Variants in OPN3 observed in about 807,000 individuals in gnomAD.
The protein encoded by OPN3 is opsin-3.
Under a neutral mutation model 33.8 loss-of-function variants are expected in OPN3, and 29 were observed. That is an observed-to-expected ratio of 0.86 (90% CI 0.64 to 1.17). OPN3 has a LOEUF of 1.17. Ranked by LOEUF, OPN3 falls within the 50% of genes most tolerant of loss-of-function variation. The probability of loss-of-function intolerance (pLI) is 0.00; values close to 1 mark genes in which losing one functional copy is unlikely to be tolerated. For synonymous variants in OPN3, 216 were observed against 216.1 expected (o/e 1.00, Z 0.00); for missense variants, 437 against 514.1 (o/e 0.85, Z 1.45).
chr1:241,596,283 C>G (rs1203255536), intron 3 of OPN3, among the ~76,000 whole-genome samples: 1 of 152,156 alleles, frequency 6.6e-6, no homozygotes, highest in Non-Finnish European at 1.5e-5. Flanking sequence ...AACCATCTCA[C>G]TAGAAAAATT....
At chr1:241,595,955 A>T (rs1663496354) in intron 3 of OPN3, among the ~76,000 whole-genome samples, 1 of 152,172 alleles carries the variant, frequency 6.6e-6, no homozygotes, top group Admixed American at 6.5e-5. Context: ...CGTTGTTTTT[A>T]TTTATTTGTT....
At chr1:241,634,838 T>A in intron 1 of OPN3, 1 of 1,612,758 alleles carries the variant, frequency 6.2e-7, no homozygotes, top group Non-Finnish European at 8.5e-7. Flanking sequence ...TTCATCAGGA[T>A]GTTGTTCATA....
intron 1 of OPN3, among the ~76,000 whole-genome samples, chr1:241,623,358 C>T (rs1664319476): frequency 6.6e-6 from 1 of 152,206 alleles, no homozygotes. Flanking sequence ...CAGCTCTTGC[C>T]AAACTGTTTT....
intron 1 of OPN3, chr1:241,616,025 A>G (rs2148010140): frequency 6.6e-6 from 3 of 453,562 alleles, no homozygotes; most frequent in South Asian, 4.7e-5. Flanking sequence ...GATTGCTTGC[A>G]CTCTCCTGTC....
chr1:241,640,133 T>C lies in OPN3; in HGVS notation c.122A>G (p.Tyr41Cys). 2.5e-6 allele frequency: 4 copies of C among 1,589,338 alleles called. No homozygotes were observed. The South Asian group carries it at 3.4e-5, about 13-fold the overall frequency. Reference protein sequence around the residue: ...SPAPLFSPGTYERLALLLGSI... With the variant: ...SPAPLFSPGTCERLALLLGSI... The stretch of plus-strand genomic sequence containing the variant: ...GCCCAGCAGCAGCGCCAGGCGCTCG[T>C]AGGTGCCGGGGCTGAAGAGGGGCGC... Residue 41 changes from tyrosine (Y) to cysteine (C), a missense_variant, in exon 1 of 4, where the codon TAC becomes TGC. By Grantham distance (194) the Tyr-to-Cys change is radical. Transcript: ENST00000366554.
chr1:241,633,967 G>C, intron 1 of OPN3: 1 of 1,613,924 alleles, frequency 6.2e-7, no homozygotes, highest in Non-Finnish European at 8.5e-7. Flanking sequence ...CAGTTGGAAA[G>C]ATCTCCTGGA....
chr1:241,597,963 A>G lies in OPN3; in HGVS notation c.728T>C (p.Val243Ala). The G allele has an allele frequency of 6.2e-7, 1 of 1,613,858 alleles. No individual in the cohort carries two copies. The highest frequency in any genetic ancestry group is 8.5e-7 in the Non-Finnish European group (1 of 1,179,910). ...CTTTTCATATTTTAAAATCTTGATC[A>G]CTTGAATTGTCTGAAGATCTTCCAC... ...RCVEDLQTIQ[V>A]IKILKYEKKL... The change falls in exon 3 of 4, where the codon GTG becomes GCG. Residue 243 changes from valine (V) to alanine (A), a missense_variant. Transcript: ENST00000366554.
At chr1:241,625,237 G>T (rs1429208016) in intron 1 of OPN3, among the ~76,000 whole-genome samples, 1 of 152,172 alleles carries the variant, frequency 6.6e-6, no homozygotes, top group Non-Finnish European at 1.5e-5. Context: ...CTATCTCATT[G>T]CTTGGTGAAC....
intron 1 of OPN3, chr1:241,636,198 G>T: frequency 2.5e-6 from 1 of 396,888 alleles, no homozygotes; most frequent in Non-Finnish European, 4.5e-6. Flanking sequence ...ACTAAAGCAT[G>T]TCTTAAATGC....
intron 1 of OPN3, chr1:241,616,030 C>T: frequency 4.4e-6 from 2 of 451,964 alleles, no homozygotes; most frequent in Admixed American, 4.7e-5. Flanking sequence ...CTTGCACTCT[C>T]CTGTCATGCC....
rs879622824 is a variant in OPN3 at position 241,618,003 on chromosome 1, TA to T, written c.374-13425del. ...CTGAGAATGTCAAGTAATGAAGAACTAAAAAAAATAAATAAATAAAAATAAA... is the reference window on the plus strand; with the variant it reads ...CTGAGAATGTCAAGTAATGAAGAACTAAAAAAATAAATAAATAAAAATAAA... On this transcript the variant is annotated intron_variant, in intron 1 of 3. Transcript: ENST00000366554. 4.7e-4 allele frequency among the ~76,000 whole-genome samples: 67 copies of T among 141,324 alleles called. 1 individual carries two copies. Among genetic ancestry groups the T allele is most frequent in the Admixed American group, 4.9e-4 (7 of 14,296 alleles). The allele number at this position is 141,324 out of a possible 152,430, so 92.7% of individuals were successfully genotyped here. A position where few individuals can be genotyped will look rare whatever the true frequency, so the allele number is the denominator to read the frequency against.
intron 1 of OPN3, among the ~76,000 whole-genome samples, chr1:241,607,662 G>T (rs980063265): frequency 7.0e-6 from 1 of 143,074 alleles, no homozygotes; most frequent in Non-Finnish European, 1.5e-5. Flanking sequence ...AAGAAAGAAA[G>T]AAAGAAAAAG....
chr1:241,598,775 G>T (rs1663604580), intron 2 of OPN3, among the ~76,000 whole-genome samples: 1 of 152,138 alleles, frequency 6.6e-6, no homozygotes, highest in Non-Finnish European at 1.5e-5. Context: ...CACAGGCAAA[G>T]AATATTTCTG....
At chr1:241,627,883 T>G (rs144273786) in intron 1 of OPN3, among the ~76,000 whole-genome samples, 2 of 152,278 alleles carry the variant, frequency 1.3e-5, no homozygotes, top group East Asian at 3.9e-4. Context: ...TTAATCAGAA[T>G]TTCTTGGTAT....
rs768628756 is a variant in OPN3 at position 241,594,402 on chromosome 1, C to T, written c.*26G>A. ...CAAAAGTGGCATCCAATTTAAGGCC[C>T]CATCTTTCGTTGCCATTCTTCATTC... On this transcript the variant is annotated 3_prime_UTR_variant, in exon 4 of 4. Coordinates refer to ENST00000366554, the MANE Select transcript of OPN3 (RefSeq NM_014322.3). 10 of 1,601,594 alleles carry T rather than the reference C, an allele frequency of 6.2e-6. No individual in the cohort carries two copies. In the East Asian group the frequency reaches 1.8e-4, roughly 29 times the overall value.
chr1:241,597,659 A>T, intron 3 of OPN3, 87 bp downstream of exon 3: 1 of 1,274,382 alleles, frequency 7.8e-7, no homozygotes, highest in Non-Finnish European at 1.1e-6. Context: ...AATTGAAGCG[A>T]CTCTGAATCA....
At chr1:241,614,346 G>T (rs778515364) in intron 1 of OPN3, among the ~76,000 whole-genome samples, 1 of 151,078 alleles carries the variant, frequency 6.6e-6, no homozygotes, top group Admixed American at 6.6e-5. Flanking sequence ...CACATGCTGT[G>T]GTCTGTGGCT....
At chr1:241,603,140 G>T (rs569189284) in intron 2 of OPN3, among the ~76,000 whole-genome samples, 3 of 152,124 alleles carry the variant, frequency 2.0e-5, no homozygotes, top group Admixed American at 1.3e-4. Flanking sequence ...GGCATGGAAG[G>T]GGGTGGGGGA....
intron 1 of OPN3, among the ~76,000 whole-genome samples, chr1:241,624,920 T>C (rs1480805239): frequency 6.6e-6 from 1 of 152,210 alleles, no homozygotes; most frequent in African/African-American, 2.4e-5. Context: ...TTTACCCATC[T>C]GCAAATGGGG....
Sources: gnomAD v4.1 joint callset for allele counts (sites outside exome capture counted in the v4.1 genomes callset) on GRCh38, gnomAD v4.1.1 for gene constraint, MANE v1.5 for transcripts, NCBI Gene and HGNC (gene_info 2026-07-23, HGNC 2026-07-21) for gene names.